Variants in FASTKD2 observed in about 807,000 individuals in gnomAD.
The protein encoded by FASTKD2 is FAST kinase domain-containing protein 2, mitochondrial.
Under a neutral mutation model 63.6 loss-of-function variants are expected in FASTKD2, and 51 were observed. That is an observed-to-expected ratio of 0.80 (90% CI 0.64 to 1.01). FASTKD2 has a LOEUF of 1.01. Among genes scored for constraint, FASTKD2 ranks in the 50% least tolerant of loss-of-function variants. The pLI is 0.00. For missense variants in FASTKD2, 786 were observed against 831.1 expected (o/e 0.95, Z 0.67); for synonymous variants, 284 against 293.4 (o/e 0.97, Z 0.33).
chr2:206,769,928 T>C (rs1438330561), intron 2 of FASTKD2, among the ~76,000 whole-genome samples, 163 bp from the exon 3 acceptor site: 1 of 152,218 alleles, frequency 6.6e-6, no homozygotes, highest in Non-Finnish European at 1.5e-5. Flanking sequence ...TAAGTATGAC[T>C]TTTTATTTCC....
At chr2:206,790,546 C>A in intron 10 of FASTKD2, 26 bp from the exon 11 acceptor site, 1 of 1,323,828 alleles carries the variant, frequency 7.6e-7, no homozygotes, top group South Asian at 1.2e-5. Context: ...AATAACTGTT[C>A]TTGTTTTGTT....
chr2:206,789,959 G>GT (rs1036063364), intron 10 of FASTKD2: 2 of 152,894 alleles, frequency 1.3e-5, no homozygotes, highest in African/African-American at 2.4e-5. Context: ...GGTGAAGGCA[G>GT]TAAGGATATA....
chr2:206,794,475 A>C lies in FASTKD2; in HGVS notation c.*2673A>C, dbSNP rs1182257235. On this transcript the variant is annotated 3_prime_UTR_variant, in exon 12 of 12. Transcript: ENST00000402774. ...AGGCTAGCTTCAAACTCCTGGGCTCAAGGGATCCTCCTGCCTCAGCTTCTC... is the reference window on the plus strand; with the variant it reads ...AGGCTAGCTTCAAACTCCTGGGCTCCAGGGATCCTCCTGCCTCAGCTTCTC... Among the ~76,000 whole-genome samples, 1 of 152,150 alleles carries C rather than the reference A, an allele frequency of 6.6e-6. No individual in the cohort carries two copies. Among genetic ancestry groups the C allele is most frequent in the Non-Finnish European group, 1.5e-5 (1 of 68,018 alleles).
chr2:206,765,687 G>A lies in FASTKD2; in HGVS notation c.-111G>A, dbSNP rs1461231982. The A allele has an allele frequency of 8.6e-6, 2 of 232,162 alleles. No individual in the cohort carries two copies. Among genetic ancestry groups the A allele is most frequent in the Non-Finnish European group, 1.4e-5 (2 of 138,950 alleles). 14.4% of individuals were successfully genotyped at this position (232,162 alleles called of 1,614,324 possible). A position where few individuals can be genotyped will look rare whatever the true frequency, so the allele number is the denominator to read the frequency against. On this transcript the variant is annotated 5_prime_UTR_variant, in exon 1 of 12. Transcript: ENST00000402774. ...GAGGACGAGCTTGGGCTTAGCGGCA[G>A]CCCGTATCACATCCTAGACTTTTTA...
chr2:206,766,886 C>G lies in FASTKD2; in HGVS notation c.193C>G (p.His65Asp), dbSNP rs750218375. The change falls in exon 2 of 12, where the codon CAT becomes GAT. Residue 65 changes from histidine (H) to aspartate (D), a missense_variant. Physicochemically the swap from His to Asp is moderately conservative, Grantham distance 81. Coordinates refer to ENST00000402774, the MANE Select transcript of FASTKD2 (RefSeq NM_001136193.2). ...AAACTGGAACATTTTAAATAACTTT[C>G]ATAACAGAATGCAATCAACTGATAT... ...HSNWNILNNF[H>D]NRMQSTDIIR... 1.3e-6 allele frequency: 2 copies of G among 1,599,452 alleles called. No homozygotes were observed. Among genetic ancestry groups the G allele is most frequent in the Admixed American group, 3.5e-5 (2 of 57,600 alleles).
Position 206,773,770 on chromosome 2 carries a change from G to A in FASTKD2, c.1255-455G>A, listed in dbSNP as rs528886827. Among the ~76,000 whole-genome samples the A allele has an allele frequency of 6.0e-4, 91 of 152,186 alleles. 2 individuals carry two copies. The highest frequency in any genetic ancestry group is 2.1e-3 in the African/African-American group (86 of 41,522). On this transcript the variant is annotated intron_variant, in intron 6 of 11. Coordinates refer to ENST00000402774, the MANE Select transcript of FASTKD2 (RefSeq NM_001136193.2). ...GTTTCAGTTCCATTTTCACTTATAG[G>A]TATGAATATTAAATATAGAAATTTT...
chr2:206,781,193 A>G (rs1689961334), intron 7 of FASTKD2, among the ~76,000 whole-genome samples: 1 of 152,040 alleles, frequency 6.6e-6, no homozygotes, highest in South Asian at 2.1e-4. Flanking sequence ...TGTCTGCACA[A>G]TTAAAGAAAC....
In FASTKD2 at chr2:206,767,369, A is replaced by G; in HGVS notation, c.676A>G (p.Ile226Val). 1 of 1,614,054 alleles carries G rather than the reference A, an allele frequency of 6.2e-7. No individual in the cohort carries two copies. Among genetic ancestry groups the G allele is most frequent in the Non-Finnish European group, 8.5e-7 (1 of 1,180,014 alleles). ...TGAACATATGATGAGAGAAGCCAAG[A>G]TCATGCAGTATAAGTACCTACTGTT... ...LCEHMMREAK[I>V]MQYKYLLFSL... The change falls in exon 2 of 12, where the codon ATC becomes GTC. Residue 226 changes from isoleucine (I) to valine (V), a missense_variant. Coordinates refer to ENST00000402774, the MANE Select transcript of FASTKD2 (RefSeq NM_001136193.2).
chr2:206,777,384 G>T (rs1008145052), intron 7 of FASTKD2, among the ~76,000 whole-genome samples: 1 of 152,056 alleles, frequency 6.6e-6, no homozygotes, highest in Non-Finnish European at 1.5e-5. Flanking sequence ...TATCATAAAG[G>T]TTGTTGAATT....
chr2:206,776,876 C>T (rs1251098480), intron 7 of FASTKD2, among the ~76,000 whole-genome samples: 1 of 151,986 alleles, frequency 6.6e-6, no homozygotes, highest in Non-Finnish European at 1.5e-5. Flanking sequence ...AATCCGTAGA[C>T]TGCCTGGGTT....
chr2:206,766,870 C>T lies in FASTKD2; in HGVS notation c.177C>T (p.Asn59=), dbSNP rs763693414. The change falls in exon 2 of 12, where the codon AAC becomes AAT. Residue 59 remains asparagine, a synonymous_variant. Transcript: ENST00000402774. ...CAAAAATAGTTCATTCAAACTGGAACATTTTAAATAACTTTCATAACAGAA... is the reference window on the plus strand; with the variant it reads ...CAAAAATAGTTCATTCAAACTGGAATATTTTAAATAACTTTCATAACAGAA... ...CKPKIVHSNW[N]ILNNFHNRMQ... The T allele has an allele frequency of 3.1e-6, 5 of 1,602,646 alleles. No homozygotes were observed. The South Asian group carries it at 5.6e-5, about 18-fold the overall frequency.
chr2:206,765,624 C>T lies in FASTKD2; in HGVS notation c.-174C>T. 2.5e-6 allele frequency: 2 copies of T among 784,782 alleles called. No homozygotes were observed. Among genetic ancestry groups the T allele is most frequent in the South Asian group, 4.7e-5 (1 of 21,352 alleles). The allele number at this position is 784,782 out of a possible 1,614,324, so 48.6% of individuals were successfully genotyped here. A position where few individuals can be genotyped will look rare whatever the true frequency, so the allele number is the denominator to read the frequency against. Reference sequence around the variant, plus strand: ...TCTCGGGGAAGCTGTCATGGCTGCTCCTGTACGTAGTCACGGTCTTGTGCT... The same window carrying T: ...TCTCGGGGAAGCTGTCATGGCTGCTTCTGTACGTAGTCACGGTCTTGTGCT... On this transcript the variant is annotated 5_prime_UTR_variant, in exon 1 of 12. Coordinates refer to ENST00000402774, the MANE Select transcript of FASTKD2 (RefSeq NM_001136193.2).
At position 206,786,867 on chromosome 2, in the gene FASTKD2, A is replaced by G. The variant is rs1208316101; in HGVS notation, c.1562A>G (p.Gln521Arg). ...FPLAPFNQLL[Q>R]KDIISELLTS... is the part of the protein sequence containing the mutation. ...CTGGCTCCTTTTAATCAGCTTCTGCAAAAAGACATCATCAGTGAGCTGCTG... is the reference window on the plus strand; with the variant it reads ...CTGGCTCCTTTTAATCAGCTTCTGCGAAAAGACATCATCAGTGAGCTGCTG... Residue 521 changes from glutamine (Q) to arginine (R), a missense_variant, in exon 8 of 12, where the codon CAA becomes CGA. By Grantham distance (43) the Gln-to-Arg change is conservative. Transcript: ENST00000402774. The G allele has an allele frequency of 1.9e-6, 3 of 1,613,662 alleles. No individual in the cohort carries two copies. The highest frequency in any genetic ancestry group is 2.7e-5 in the African/African-American group (2 of 74,896).
chr2:206,788,609 C>T (rs1690197896), intron 9 of FASTKD2, among the ~76,000 whole-genome samples: 1 of 151,458 alleles, frequency 6.6e-6, no homozygotes, highest in Non-Finnish European at 1.5e-5. Context: ...ATGGCATGCC[C>T]CTGTAGTCCC....
Position 206,786,803 on chromosome 2 carries a change from GA to G in FASTKD2, c.1499del (p.Asp500ValfsTer8). ...LHTISSENLL[D>X]AVYSFCLMNY... ...CACTATTTCTTCTGAAAACTTATTG[GA>G]TGCAGTATATTCATTTTGCTTGATG... On this transcript the variant is annotated frameshift_variant, in exon 8 of 12. Coordinates refer to ENST00000402774, the MANE Select transcript of FASTKD2 (RefSeq NM_001136193.2). LOFTEE classifies it high-confidence loss of function. 1 of 1,613,424 alleles carries G rather than the reference GA, an allele frequency of 6.2e-7. No individual in the cohort carries two copies. The highest frequency in any genetic ancestry group is 1.7e-4 in the Middle Eastern group (1 of 6,058).
chr2:206,770,783 A>G (rs1349018135), intron 3 of FASTKD2, among the ~76,000 whole-genome samples: 1 of 152,036 alleles, frequency 6.6e-6, no homozygotes, highest in African/African-American at 2.4e-5. Flanking sequence ...ATTGATATGT[A>G]TATTTAATTC....
chr2:206,781,673 CT>C (rs59970556), intron 7 of FASTKD2, among the ~76,000 whole-genome samples: 73,484 of 130,318 alleles, frequency 0.56, 20,905 homozygotes, highest in East Asian at 0.95. Flanking sequence ...TTTTTAATTT[CT>C]TTTTTTTTTT....
intron 3 of FASTKD2, among the ~76,000 whole-genome samples, chr2:206,770,539 C>T (rs1025454703): frequency 5.3e-5 from 8 of 151,768 alleles, no homozygotes; most frequent in African/African-American, 1.2e-4. Flanking sequence ...GTCGGGAGAT[C>T]GAGACCATGG....
chr2:206,787,338 A>C (rs1171525735), intron 8 of FASTKD2, among the ~76,000 whole-genome samples: 1 of 152,182 alleles, frequency 6.6e-6, no homozygotes, highest in Non-Finnish European at 1.5e-5. Flanking sequence ...AAGAAACCAA[A>C]TAGCCACCAA....
Sources: allele counts gnomAD v4.1 joint callset (sites outside exome capture counted in the v4.1 genomes callset), GRCh38; gene constraint gnomAD v4.1.1; transcripts MANE v1.5; gene names NCBI Gene and HGNC (gene_info 2026-07-23, HGNC 2026-07-21).